SPOCK3: variants seen among roughly 807,000 people sequenced by gnomAD.
SPOCK3 encodes SPARC (osteonectin), cwcv and kazal like domains proteoglycan 3.
Under a neutral mutation model 56.6 loss-of-function variants are expected in SPOCK3, and 30 were observed. The observed-to-expected ratio is 0.53, with a 90% CI of 0.40 to 0.72. The LOEUF is 0.72. Among genes scored for constraint, SPOCK3 ranks in the 30% least tolerant of loss-of-function variants. The pLI, the probability that SPOCK3 is intolerant of heterozygous loss-of-function variation, is 0.00. For missense variants in SPOCK3, 527 were observed against 530.0 expected (o/e 0.99, Z 0.06); for synonymous variants, 196 against 183.3 (o/e 1.07, Z -0.56).
At chr4:167,046,438 C>A (rs1248855536) in intron 3 of SPOCK3, among the ~76,000 whole-genome samples, 1 of 90,900 alleles carries the variant, frequency 1.1e-5, no homozygotes, top group Admixed American at 1.0e-4. Flanking sequence ...TCTTTTTTTT[C>A]TTTCTGATAT....
rs547642757 is a variant in SPOCK3 at position 166,965,283 on chromosome 4, T to A, written c.350+35066A>T. Among the ~76,000 whole-genome samples, 20 of 152,094 alleles carry A rather than the reference T, an allele frequency of 1.3e-4. No homozygotes were observed. The East Asian group carries it at 3.9e-3, about 29-fold the overall frequency. On this transcript the variant is annotated intron_variant, in intron 4 of 10. Coordinates refer to ENST00000357545, the MANE Select transcript of SPOCK3 (RefSeq NM_001040159.2). ...ACTCAGCCTTTTGCTGTTGTTTTCA[T>A]GGCTGTATTTATCTTTCTCTCTCTC...
intron 5 of SPOCK3, among the ~76,000 whole-genome samples, chr4:166,893,931 A>T (rs1018838565): frequency 6.6e-6 from 1 of 152,094 alleles, no homozygotes; most frequent in African/African-American, 2.4e-5. Flanking sequence ...ATCCCTATTG[A>T]ATGGTGTTCT....
intron 6 of SPOCK3, among the ~76,000 whole-genome samples, chr4:166,844,953 C>G (rs1409586988): frequency 1.3e-5 from 2 of 152,132 alleles, no homozygotes; most frequent in Non-Finnish European, 2.9e-5. Flanking sequence ...GTGGTTTTTT[C>G]TTTGTTGATA....
At chr4:166,882,985 A>G (rs1442497301) in intron 6 of SPOCK3, 1 of 152,182 alleles carries the variant, frequency 6.6e-6, no homozygotes, top group Non-Finnish European at 1.5e-5. Context: ...ACCATTTATG[A>G]ATACACTATA....
intron 2 of SPOCK3, among the ~76,000 whole-genome samples, chr4:167,083,535 C>A (rs757519509): frequency 1.3e-5 from 2 of 152,098 alleles, no homozygotes; most frequent in Non-Finnish European, 2.9e-5. Flanking sequence ...TTTGTTTAGA[C>A]AACTAAGTAT....
At chr4:167,103,821 T>C (rs767212775) in intron 2 of SPOCK3, among the ~76,000 whole-genome samples, 1 of 152,132 alleles carries the variant, frequency 6.6e-6, no homozygotes, top group Non-Finnish European at 1.5e-5. Context: ...TCTGACCCAG[T>C]GCTGTCCCAC....
At chr4:166,868,185 C>G (rs1046253614) in intron 6 of SPOCK3, among the ~76,000 whole-genome samples, 5 of 151,414 alleles carry the variant, frequency 3.3e-5, no homozygotes, top group African/African-American at 7.3e-5. Flanking sequence ...CACATGTAAT[C>G]GCAACAATTT....
intron 6 of SPOCK3, among the ~76,000 whole-genome samples, chr4:166,888,671 A>T (rs1046855746): frequency 2.3e-4 from 35 of 152,078 alleles, no homozygotes; most frequent in African/African-American, 8.0e-4. Context: ...ATTATTACAC[A>T]GGAAATTATG....
chr4:167,037,739 C>T (rs1292917600), intron 3 of SPOCK3, among the ~76,000 whole-genome samples: 1 of 152,186 alleles, frequency 6.6e-6, no homozygotes, highest in Non-Finnish European at 1.5e-5. Context: ...GAACACCTAA[C>T]TTAAGTGGAG....
intron 4 of SPOCK3, among the ~76,000 whole-genome samples, chr4:166,948,689 G>A (rs550038610): frequency 1.3e-5 from 2 of 152,064 alleles, no homozygotes; most frequent in African/African-American, 2.4e-5. Context: ...TATTCAACTT[G>A]TAGAGTTTCT....
chr4:166,915,635 A>G (rs114218260), intron 4 of SPOCK3, among the ~76,000 whole-genome samples: 3 of 152,216 alleles, frequency 2.0e-5, no homozygotes, highest in Non-Finnish European at 4.4e-5. Flanking sequence ...TAGTCATTGT[A>G]TAGGTGAAGA....
intron 9 of SPOCK3, among the ~76,000 whole-genome samples, chr4:166,738,015 C>CATT (rs1383473871): frequency 6.6e-6 from 1 of 152,176 alleles, no homozygotes; most frequent in East Asian, 1.9e-4. Flanking sequence ...TTTCTACTTT[C>CATT]ATTTCCCCAA....
At chr4:166,885,458 T>C (rs1307577554) in intron 6 of SPOCK3, among the ~76,000 whole-genome samples, 1 of 70,080 alleles carries the variant, frequency 1.4e-5, no homozygotes, top group African/African-American at 4.2e-5. Context: ...GATAAATTAA[T>C]TCCAAAGCTT....
intron 4 of SPOCK3, among the ~76,000 whole-genome samples, chr4:166,982,000 G>A (rs912790073): frequency 7.9e-5 from 12 of 152,228 alleles, no homozygotes; most frequent in African/African-American, 2.9e-4. Flanking sequence ...TTCTGAGTCT[G>A]TGGGAACAGG....
At chr4:167,104,872 C>T (rs372302994) in intron 2 of SPOCK3, among the ~76,000 whole-genome samples, 1 of 150,914 alleles carries the variant, frequency 6.6e-6, no homozygotes, top group East Asian at 1.9e-4. Flanking sequence ...CACAATTGGG[C>T]TCCAAAACAT....
intron 3 of SPOCK3, among the ~76,000 whole-genome samples, chr4:167,050,530 G>T (rs945323764): frequency 2.0e-5 from 3 of 152,090 alleles, no homozygotes; most frequent in Non-Finnish European, 2.9e-5. Flanking sequence ...ATATGATCCA[G>T]CAATTCCATT....
chr4:167,107,194 A>C (rs1349571880), intron 2 of SPOCK3, among the ~76,000 whole-genome samples: 2 of 151,950 alleles, frequency 1.3e-5, no homozygotes, highest in South Asian at 2.1e-4. Context: ...ACAAAGATAC[A>C]TAAGTAAAAG....
chr4:167,130,827 C>A lies in SPOCK3; in HGVS notation c.190-68290G>T, dbSNP rs192542123. ...CAAAATACTGTATTATAAACCATGT[C>A]ACTAGAAAAATTTAGATTAAAATAT... On this transcript the variant is annotated intron_variant, in intron 2 of 10. Transcript: ENST00000357545. 3.3e-3 allele frequency among the ~76,000 whole-genome samples: 498 copies of A among 152,126 alleles called. 3 individuals are homozygous for A. The highest frequency in any genetic ancestry group is 0.011 in the African/African-American group (474 of 41,514).
intron 6 of SPOCK3, among the ~76,000 whole-genome samples, chr4:166,878,878 T>C (rs1210076075): frequency 6.6e-6 from 1 of 152,160 alleles, no homozygotes; most frequent in Non-Finnish European, 1.5e-5. Flanking sequence ...GAAGCAAGGA[T>C]ACAAATAGCA....
Sources: allele counts gnomAD v4.1 joint callset (sites outside exome capture counted in the v4.1 genomes callset), GRCh38; gene constraint gnomAD v4.1.1; transcripts MANE v1.5; gene names NCBI Gene and HGNC (gene_info 2026-07-23, HGNC 2026-07-21).